The following CLSTN2 variants were observed in gnomAD, a reference collection of about 807,000 sequenced individuals.
CLSTN2 encodes the protein calsyntenin 2.
CLSTN2 carries 48 observed loss-of-function variants against 101.2 expected under a neutral mutation model. That is an observed-to-expected ratio of 0.47 (90% CI 0.38 to 0.60). CLSTN2 has a LOEUF of 0.60. Ranked by LOEUF, CLSTN2 falls within the 20% of genes least tolerant of loss-of-function variation. The probability of loss-of-function intolerance (pLI) is 0.00; values close to 1 mark genes in which losing one functional copy is unlikely to be tolerated. For synonymous variants in CLSTN2, 481 were observed against 463.6 expected (o/e 1.04, Z -0.48); for missense variants, 1,160 against 1,238.2 (o/e 0.94, Z 0.95).
chr3:140,304,543 T>G (rs2087093488), intron 2 of CLSTN2, among the ~76,000 whole-genome samples: 1 of 152,182 alleles, frequency 6.6e-6, no homozygotes, highest in South Asian at 2.1e-4. Flanking sequence ...GGCCCCACCT[T>G]CATGATCTCA....
At chr3:140,400,559 G>T (rs190910066) in intron 2 of CLSTN2, among the ~76,000 whole-genome samples, 2 of 152,230 alleles carry the variant, frequency 1.3e-5, no homozygotes, top group Non-Finnish European at 2.9e-5. Context: ...TTAGCTGGTT[G>T]TTGGTGGCAC....
chr3:140,025,478 T>A (rs967858671), intron 1 of CLSTN2, among the ~76,000 whole-genome samples: 2 of 152,128 alleles, frequency 1.3e-5, no homozygotes, highest in African/African-American at 4.8e-5. Flanking sequence ...AGAAAGGAAA[T>A]CAAACAAAAA....
chr3:140,305,438 T>G (rs2087104314), intron 2 of CLSTN2, among the ~76,000 whole-genome samples: 1 of 152,154 alleles, frequency 6.6e-6, no homozygotes, highest in African/African-American at 2.4e-5. Context: ...TTCAAATCCC[T>G]TATCTCCAAA....
At chr3:140,467,814 T>C (rs1394307509) in intron 8 of CLSTN2, among the ~76,000 whole-genome samples, 1 of 151,968 alleles carries the variant, frequency 6.6e-6, no homozygotes, top group South Asian at 2.1e-4. Context: ...AGTAAGCTGA[T>C]CTTAGAGTGT....
At chr3:140,527,718 C>G (rs573369464) in intron 8 of CLSTN2, among the ~76,000 whole-genome samples, 83 of 152,144 alleles carry the variant, frequency 5.5e-4, no homozygotes, top group Non-Finnish European at 8.5e-4. Context: ...ACATATACAC[C>G]ATGGAATACT....
intron 1 of CLSTN2, among the ~76,000 whole-genome samples, chr3:140,113,791 C>T (rs184454500): frequency 1.6e-4 from 25 of 152,204 alleles, no homozygotes; most frequent in African/African-American, 5.3e-4. Flanking sequence ...TAGTGACGCA[C>T]GACTATCAGG....
At chr3:139,956,965 T>C (rs562183191) in intron 1 of CLSTN2, among the ~76,000 whole-genome samples, 8 of 152,322 alleles carry the variant, frequency 5.3e-5, no homozygotes, top group African/African-American at 1.7e-4. Flanking sequence ...GCTTAGAGCA[T>C]AGAAAGCTGC....
At chr3:140,171,144 A>C (rs2010206307) in intron 1 of CLSTN2, among the ~76,000 whole-genome samples, 1 of 152,176 alleles carries the variant, frequency 6.6e-6, no homozygotes, top group Non-Finnish European at 1.5e-5. Context: ...TTGATGGCTA[A>C]TAAAAGAGCA....
chr3:140,290,936 C>T (rs2086940885), intron 2 of CLSTN2, among the ~76,000 whole-genome samples: 2 of 152,130 alleles, frequency 1.3e-5, no homozygotes, highest in African/African-American at 2.4e-5. Context: ...CCCCTCTCTC[C>T]CAGATCATTT....
intron 7 of CLSTN2, among the ~76,000 whole-genome samples, chr3:140,465,315 C>G (rs546521216): frequency 6.6e-6 from 1 of 152,274 alleles, no homozygotes; most frequent in South Asian, 2.1e-4. Context: ...TCCAAGCCTC[C>G]CAGTGGTATA....
intron 1 of CLSTN2, among the ~76,000 whole-genome samples, chr3:140,091,533 T>C (rs969075396): frequency 6.6e-6 from 1 of 152,230 alleles, no homozygotes; most frequent in African/African-American, 2.4e-5. Context: ...TAAATCTGTG[T>C]ACAGTTTGAA....
chr3:140,212,822 C>G (rs1019026286), intron 2 of CLSTN2, among the ~76,000 whole-genome samples: 7 of 152,222 alleles, frequency 4.6e-5, no homozygotes, highest in Non-Finnish European at 1.5e-5. Context: ...GGCCTCAGCC[C>G]TCAGGCTCTG....
chr3:140,094,797 T>C (rs774293253), intron 1 of CLSTN2, among the ~76,000 whole-genome samples: 14 of 152,174 alleles, frequency 9.2e-5, no homozygotes, highest in Non-Finnish European at 1.8e-4. Flanking sequence ...TCTCCTTGAA[T>C]ATGGAAATTG....
intron 5 of CLSTN2, among the ~76,000 whole-genome samples, chr3:140,445,585 G>T (rs549602999): frequency 6.6e-6 from 1 of 152,290 alleles, no homozygotes; most frequent in South Asian, 2.1e-4. Context: ...GTTTATGGAG[G>T]GTTTGGGGAG....
At chr3:140,120,595 G>A (rs1207655406) in intron 1 of CLSTN2, among the ~76,000 whole-genome samples, 1 of 152,166 alleles carries the variant, frequency 6.6e-6, no homozygotes, top group Non-Finnish European at 1.5e-5. Flanking sequence ...CTCTGATCCT[G>A]CCTTGGCCTT....
chr3:140,492,086 T>C (rs564000721), intron 8 of CLSTN2, among the ~76,000 whole-genome samples: 4 of 152,134 alleles, frequency 2.6e-5, no homozygotes, highest in Non-Finnish European at 2.9e-5. Context: ...TCATTATATG[T>C]TGGGGAAATG....
At chr3:140,009,292 C>T (rs1361794955) in intron 1 of CLSTN2, among the ~76,000 whole-genome samples, 1 of 152,126 alleles carries the variant, frequency 6.6e-6, no homozygotes, top group East Asian at 1.9e-4. Flanking sequence ...TCATTGCCTG[C>T]TTTGAATAGA....
At chr3:140,455,902 C>G (rs969261498) in intron 6 of CLSTN2, among the ~76,000 whole-genome samples, 1 of 152,178 alleles carries the variant, frequency 6.6e-6, no homozygotes, top group South Asian at 2.1e-4. Context: ...GCAACATCTG[C>G]GGGTTAGAGA....
intron 1 of CLSTN2, among the ~76,000 whole-genome samples, chr3:139,959,211 C>G (rs573710227): frequency 6.6e-6 from 1 of 152,228 alleles, no homozygotes; most frequent in South Asian, 2.1e-4. Flanking sequence ...CTATGTGGTC[C>G]CACTTCCTGG....
Sources: allele counts gnomAD v4.1 joint callset (sites outside exome capture counted in the v4.1 genomes callset), GRCh38; gene constraint gnomAD v4.1.1; transcripts MANE v1.5; gene names NCBI Gene and HGNC (gene_info 2026-07-23, HGNC 2026-07-21).